Variants in ETS1 observed in about 807,000 individuals in gnomAD.
ETS1 encodes the protein ETS proto-oncogene 1, transcription factor.
A neutral mutation model predicts 58.6 loss-of-function variants in ETS1; 15 were observed. That is an observed-to-expected ratio of 0.26 (90% CI 0.17 to 0.39). The LOEUF (loss-of-function observed/expected upper bound fraction) is 0.39. ETS1 is among the 10% of genes least tolerant of loss of function. The pLI is 1.00. For missense variants in ETS1, 417 were observed against 610.5 expected (o/e 0.68, Z 3.34); for synonymous variants, 214 against 218.2 (o/e 0.98, Z 0.17).
At chr11:128,585,160 GAA>G (rs71055284) in intron 1 of ETS1, among the ~76,000 whole-genome samples, 436 of 26,292 alleles carry the variant, frequency 0.017, 66 homozygotes, top group Admixed American at 0.024. Context: ...AAGAAAGAAA[GAA>G]AGAAAGAGAA....
intron 2 of ETS1, among the ~76,000 whole-genome samples, chr11:128,566,002 A>G (rs1325466962): frequency 6.6e-6 from 1 of 152,214 alleles, no homozygotes; most frequent in Non-Finnish European, 1.5e-5. Context: ...TAAGAAGGGA[A>G]CTGCATCGCA....
chr11:128,564,349 G>A (rs1864455162), intron 2 of ETS1, among the ~76,000 whole-genome samples: 1 of 152,172 alleles, frequency 6.6e-6, no homozygotes, highest in East Asian at 1.9e-4. Context: ...ATGGGCTTGG[G>A]CCTTGGTGAA....
intron 9 of ETS1, among the ~76,000 whole-genome samples, chr11:128,462,890 G>A (rs184754155): frequency 9.9e-5 from 15 of 152,240 alleles, no homozygotes; most frequent in African/African-American, 1.4e-4. Context: ...TCCTCTTTCC[G>A]CATATTATTA....
At position 128,584,987 on chromosome 11, in the gene ETS1, A is replaced by G. The variant is rs201159447; in HGVS notation, c.-15+2501T>C. On this transcript the variant is annotated intron_variant, in intron 1 of 9. Coordinates refer to ENST00000392668, the MANE Select transcript of ETS1 (RefSeq NM_001143820.2). The stretch of plus-strand genomic sequence containing the variant: ...GAAAGAAAGAAAGAAAGAAAGAAAG[A>G]AAGGAAGGAAGGAAGGAAAGAAAGG... Among the ~76,000 whole-genome samples the G allele has an allele frequency of 7.2e-4, 37 of 51,208 alleles. 4 individuals carry two copies. The East Asian group carries it at 8.2e-3, about 11-fold the overall frequency. The allele number at this position is 51,208 out of a possible 152,430, so 33.6% of individuals were successfully genotyped here.
intron 3 of ETS1, among the ~76,000 whole-genome samples, chr11:128,523,160 C>T (rs1863734257): frequency 6.6e-6 from 1 of 152,206 alleles, no homozygotes; most frequent in Non-Finnish European, 1.5e-5. Context: ...AAACTAACAA[C>T]CCTCCCACGA....
intron 2 of ETS1, 123 bp downstream of exon 2, chr11:128,572,939 G>A (rs1864665988): frequency 2.9e-6 from 2 of 686,496 alleles, no homozygotes; most frequent in Non-Finnish European, 5.1e-6. Context: ...ATTCAAAGCT[G>A]ATTCGAACCT....
chr11:128,528,203 A>T (rs1013314891), intron 3 of ETS1, among the ~76,000 whole-genome samples: 3 of 152,210 alleles, frequency 2.0e-5, no homozygotes, highest in African/African-American at 7.2e-5. Context: ...CTAGTAAAGT[A>T]TCCCATACTT....
intron 3 of ETS1, among the ~76,000 whole-genome samples, chr11:128,519,228 A>T (rs530860025): frequency 4.9e-4 from 74 of 152,360 alleles, no homozygotes; most frequent in Non-Finnish European, 7.5e-4. Context: ...GAAGTCTCAA[A>T]ATAGAATAAA....
At position 128,556,444 on chromosome 11, in the gene ETS1, G is replaced by GA. The variant is rs367776365; in HGVS notation, c.70-10dup. 1.8e-4 allele frequency: 286 copies of GA among 1,570,948 alleles called. 1 individual carries two copies. In the African/African-American group the frequency reaches 3.3e-3, roughly 18 times the overall value. On this transcript the variant is annotated splice_polypyrimidine_tract_variant and intron_variant, in intron 2 of 9. Transcript: ENST00000392668. ...TTGCTAGGTCCTTGCCTCTGTGCAA[G>GA]AAAAAATAGAAGAAAATATATTAGG...
chr11:128,536,842 T>C (rs946310155), intron 3 of ETS1: 1 of 152,254 alleles, frequency 6.6e-6, no homozygotes, highest in Non-Finnish European at 1.5e-5. Flanking sequence ...ACTCTCTTCA[T>C]AAAGTTTGGG....
chr11:128,517,343 C>T (rs893991817), intron 3 of ETS1, among the ~76,000 whole-genome samples: 2 of 152,224 alleles, frequency 1.3e-5, no homozygotes, highest in Admixed American at 1.3e-4. Flanking sequence ...AAAATGCCTA[C>T]AACATCTCAT....
intron 3 of ETS1, among the ~76,000 whole-genome samples, chr11:128,500,078 A>T (rs529023357): frequency 2.0e-5 from 3 of 152,238 alleles, no homozygotes; most frequent in African/African-American, 7.2e-5. Flanking sequence ...GGGCAGAAGG[A>T]AGAAAGGCTT....
chr11:128,523,834 C>A (rs546320789), intron 3 of ETS1, among the ~76,000 whole-genome samples: 12 of 151,990 alleles, frequency 7.9e-5, no homozygotes, highest in African/African-American at 2.9e-4. Context: ...CTCCAGATGA[C>A]AAGAACAGAC....
intron 3 of ETS1, among the ~76,000 whole-genome samples, chr11:128,532,750 C>T (rs1863917831): frequency 6.6e-6 from 1 of 152,012 alleles, no homozygotes; most frequent in Non-Finnish European, 1.5e-5. Context: ...TACAGAGCAG[C>T]CTTGAATAGC....
intron 8 of ETS1, among the ~76,000 whole-genome samples, chr11:128,473,447 CTAT>C (rs1271702547): frequency 1.3e-5 from 2 of 152,172 alleles, no homozygotes. Flanking sequence ...GGTATAGAAA[CTAT>C]TATTACTGCC....
At chr11:128,517,261 C>T (rs1178306551) in intron 3 of ETS1, among the ~76,000 whole-genome samples, 1 of 152,302 alleles carries the variant, frequency 6.6e-6, no homozygotes, top group Non-Finnish European at 1.5e-5. Context: ...AAAGCACCGA[C>T]CAGCATTGCC....
chr11:128,477,700 G>A (rs1862360282), intron 8 of ETS1, among the ~76,000 whole-genome samples: 1 of 152,054 alleles, frequency 6.6e-6, no homozygotes, highest in African/African-American at 2.4e-5. Flanking sequence ...CACAACAATA[G>A]GAGAATCCAG....
At chr11:128,492,844 G>A (rs1293315339) in intron 3 of ETS1, among the ~76,000 whole-genome samples, 1 of 152,162 alleles carries the variant, frequency 6.6e-6, no homozygotes, top group Non-Finnish European at 1.5e-5. Flanking sequence ...TATTGCTTCT[G>A]AGAGAAGAAA....
At chr11:128,520,573 T>C (rs1338001546) in intron 3 of ETS1, among the ~76,000 whole-genome samples, 1 of 152,220 alleles carries the variant, frequency 6.6e-6, no homozygotes, top group African/African-American at 2.4e-5. Flanking sequence ...AGAAACAGCA[T>C]TTCTGAATTG....
Sources: allele counts gnomAD v4.1 joint callset (sites outside exome capture counted in the v4.1 genomes callset), GRCh38; gene constraint gnomAD v4.1.1; transcripts MANE v1.5; gene names NCBI Gene and HGNC (gene_info 2026-07-23, HGNC 2026-07-21).